Variants in RARB observed in about 807,000 individuals in gnomAD.
RARB encodes retinoic acid receptor beta, also known as HBV-activated protein.
Under a neutral mutation model 51.9 loss-of-function variants are expected in RARB, and 17 were observed. The ratio of observed to expected loss-of-function variants is 0.33; its 90% CI spans 0.22 to 0.49. RARB has a LOEUF of 0.49. Among genes scored for constraint, RARB ranks in the 20% least tolerant of loss-of-function variants. RARB has a pLI of 0.99. For synonymous variants in RARB, 215 were observed against 195.4 expected, an observed-to-expected ratio of 1.10 and a Z score of -0.84; for missense variants, 369 against 550.8, an observed-to-expected ratio of 0.67 and a Z score of 3.30.
intron 2 of RARB, among the ~76,000 whole-genome samples, chr3:25,045,853 A>C (rs988143966): frequency 1.3e-5 from 2 of 152,236 alleles, no homozygotes; most frequent in African/African-American, 4.8e-5. Context: ...AAAATGTTTT[A>C]ATGAATGTAA....
At chr3:25,094,219 A>C (rs538157699) in intron 3 of RARB, among the ~76,000 whole-genome samples, 71 of 152,302 alleles carry the variant, frequency 4.7e-4, no homozygotes, top group Middle Eastern at 3.4e-3. Context: ...TTTCCAGCTT[A>C]TCCACTGTTA....
intron 4 of RARB, among the ~76,000 whole-genome samples, chr3:25,151,692 C>G (rs569213153): frequency 1.3e-5 from 2 of 152,290 alleles, no homozygotes; most frequent in South Asian, 2.1e-4. Context: ...TCTATTGTAC[C>G]TTTATTGCCA....
chr3:25,365,199 C>CTTT (rs3035063), intron 5 of RARB, among the ~76,000 whole-genome samples: 42 of 75,432 alleles, frequency 5.6e-4, no homozygotes, highest in African/African-American at 1.1e-3. Context: ...TTCTTTCTTT[C>CTTT]TTTTTTTTTT....
At chr3:25,106,458 G>GTTTT (rs1330251701) in intron 3 of RARB, among the ~76,000 whole-genome samples, 37 of 107,838 alleles carry the variant, frequency 3.4e-4, no homozygotes, top group East Asian at 6.4e-4. Flanking sequence ...TTTGTTTTTT[G>GTTTT]TTTTTTTTTG....
intron 3 of RARB, among the ~76,000 whole-genome samples, chr3:25,116,070 T>A (rs577788381): frequency 6.6e-6 from 1 of 152,326 alleles, no homozygotes; most frequent in South Asian, 2.1e-4. Context: ...GTGTTTGACA[T>A]CTCATTGACT....
At chr3:25,167,808 A>C (rs902947842) in intron 4 of RARB, among the ~76,000 whole-genome samples, 4 of 152,210 alleles carry the variant, frequency 2.6e-5, no homozygotes, top group African/African-American at 9.6e-5. Context: ...TAGTAAGTCC[A>C]CCAGCAGCCC....
At chr3:24,832,233 C>A (rs1343404739) in intron 1 of RARB, among the ~76,000 whole-genome samples, 1 of 152,102 alleles carries the variant, frequency 6.6e-6, no homozygotes. Flanking sequence ...TTAAAAATAT[C>A]TATTTATTAT....
chr3:25,392,128 C>T (rs1415290166), intron 5 of RARB, among the ~76,000 whole-genome samples: 1 of 152,146 alleles, frequency 6.6e-6, no homozygotes, highest in Non-Finnish European at 1.5e-5. Context: ...ATTTTCTTAG[C>T]ACCATTTGAT....
chr3:24,894,608 T>C (rs1035827165), intron 2 of RARB, among the ~76,000 whole-genome samples: 5 of 152,220 alleles, frequency 3.3e-5, no homozygotes, highest in Non-Finnish European at 7.3e-5. Context: ...TGTAATGATT[T>C]ATTCTTTTGA....
chr3:25,500,529 G>A (rs1441795655), intron 2 of RARB, among the ~76,000 whole-genome samples: 1 of 140,426 alleles, frequency 7.1e-6, no homozygotes, highest in Non-Finnish European at 1.5e-5. Context: ...ACCCAGACTG[G>A]AGTGCGGTGG....
intron 2 of RARB, among the ~76,000 whole-genome samples, chr3:25,473,535 T>C (rs931764922): frequency 6.6e-6 from 1 of 152,070 alleles, no homozygotes; most frequent in African/African-American, 2.4e-5. Context: ...TTTGTTGGGG[T>C]TGGTTTTGTT....
chr3:25,154,667 G>T (rs1559485255), intron 4 of RARB, among the ~76,000 whole-genome samples: 1 of 152,158 alleles, frequency 6.6e-6, no homozygotes, highest in South Asian at 2.1e-4. Context: ...CATGTGTAGG[G>T]TCTTCCATCC....
intron 5 of RARB, among the ~76,000 whole-genome samples, chr3:25,205,297 G>T (rs1701510143): frequency 6.6e-6 from 1 of 152,160 alleles, no homozygotes; most frequent in Non-Finnish European, 1.5e-5. Flanking sequence ...GGGTGGGAGT[G>T]ACCCGATTTT....
intron 2 of RARB, among the ~76,000 whole-genome samples, chr3:25,035,776 T>G (rs535168063): frequency 6.6e-6 from 1 of 152,328 alleles, no homozygotes; most frequent in East Asian, 1.9e-4. Flanking sequence ...AAAGAATGGG[T>G]GTGGCTGTGT....
chr3:25,155,108 C>T (rs187091476), intron 4 of RARB, among the ~76,000 whole-genome samples: 158 of 152,232 alleles, frequency 1.0e-3, no homozygotes, highest in African/African-American at 3.6e-3. Context: ...ATTCTCTTTC[C>T]GTATGCATTA....
At chr3:25,594,744 G>T in intron 7 of RARB, 66 bp downstream of exon 7, 1 of 1,364,416 alleles carries the variant, frequency 7.3e-7, no homozygotes, top group Non-Finnish European at 9.6e-7. Context: ...AGGTTGTGTT[G>T]CTTTATTCAA....
chr3:25,313,392 A>T (rs1704338534), intron 5 of RARB, among the ~76,000 whole-genome samples: 1 of 152,216 alleles, frequency 6.6e-6, no homozygotes, highest in Admixed American at 6.5e-5. Context: ...AAAATTCATT[A>T]TCAGTACATT....
chr3:25,321,945 G>A (rs904541242), intron 5 of RARB, among the ~76,000 whole-genome samples: 2 of 151,790 alleles, frequency 1.3e-5, no homozygotes, highest in Non-Finnish European at 2.9e-5. Context: ...GCTAATTGAT[G>A]TGATGATTCT....
intron 2 of RARB, among the ~76,000 whole-genome samples, chr3:25,017,357 A>G (rs1283594571): frequency 6.6e-6 from 1 of 150,458 alleles, no homozygotes; most frequent in African/African-American, 2.5e-5. Flanking sequence ...TCAAAGTTTA[A>G]ACAAGTCAGT....
Sources: gnomAD v4.1 joint callset for allele counts (sites outside exome capture counted in the v4.1 genomes callset) on GRCh38, gnomAD v4.1.1 for gene constraint, MANE v1.5 for transcripts, NCBI Gene and HGNC (gene_info 2026-07-23, HGNC 2026-07-21) for gene names.